Variants in ZNF407 observed in about 807,000 individuals in gnomAD.
The protein encoded by ZNF407 is zinc finger protein 407.
ZNF407 carries 17 observed loss-of-function variants against 131.2 expected under a neutral mutation model. That is an observed-to-expected ratio of 0.13 (90% CI 0.09 to 0.19). The LOEUF is 0.19. Among genes scored for constraint, ZNF407 ranks in the 10% least tolerant of loss-of-function variants. The pLI is 1.00. For missense variants in ZNF407, 2,681 were observed against 2,830.6 expected (o/e 0.95, Z 1.20); for synonymous variants, 1,156 against 1,062.0 (o/e 1.09, Z -1.72).
At chr18:74,692,790 C>G (rs537583168) in intron 3 of ZNF407, among the ~76,000 whole-genome samples, 1 of 152,142 alleles carries the variant, frequency 6.6e-6, no homozygotes, top group Admixed American at 6.5e-5. Context: ...AGCTCTCCCC[C>G]AGAGACAGGT....
At chr18:75,039,851 AC>A (rs1357402305) in intron 8 of ZNF407, among the ~76,000 whole-genome samples, 1 of 151,110 alleles carries the variant, frequency 6.6e-6, no homozygotes, top group Non-Finnish European at 1.5e-5. Context: ...TCAATTTTAT[AC>A]ATTTCCCTAG....
Position 75,063,770 on chromosome 18 carries a change from A to G in ZNF407, c.6049A>G (p.Lys2017Glu). 1 of 1,610,736 alleles carries G rather than the reference A, an allele frequency of 6.2e-7. No individual in the cohort carries two copies. The highest frequency in any genetic ancestry group is 1.1e-5 in the South Asian group (1 of 91,044). ...GLEEQGRPGA[K>E]DVLIQLPGQE... is the part of the protein sequence containing the mutation. The stretch of plus-strand genomic sequence containing the variant: ...CGAGGAGCAAGGCAGGCCCGGCGCC[A>G]AAGACGTGCTGATCCAGCTGCCCGG... The change falls in exon 9 of 9, where the codon AAA becomes GAA. Residue 2017 changes from lysine to glutamate, a missense_variant. Lys to Glu is a moderately conservative substitution (Grantham distance 56). Transcript: ENST00000299687. This position sits in a 1 kb window ranked among gnomAD's most constrained non-coding sequence, Gnocchi z 6.6.
At chr18:74,936,920 C>T (rs915745817) in intron 8 of ZNF407, among the ~76,000 whole-genome samples, 1 of 152,156 alleles carries the variant, frequency 6.6e-6, no homozygotes, top group East Asian at 1.9e-4. Context: ...ACTTCTTTGA[C>T]TTTGTGAAAT....
At chr18:74,922,779 G>A (rs1444430920) in intron 8 of ZNF407, among the ~76,000 whole-genome samples, 2 of 152,180 alleles carry the variant, frequency 1.3e-5, no homozygotes, top group Non-Finnish European at 2.9e-5. Flanking sequence ...CCTTATCGAA[G>A]AGTCTAGGAG....
At chr18:74,650,781 A>T (rs746071236) in intron 3 of ZNF407, among the ~76,000 whole-genome samples, 20 of 152,174 alleles carry the variant, frequency 1.3e-4, no homozygotes, top group Non-Finnish European at 2.4e-4. Flanking sequence ...AAAAAAATTT[A>T]CTGGCTTTAT....
In ZNF407 at chr18:74,708,597, G is replaced by A. The variant is rs144758371; in HGVS notation, c.4802+67475G>A. Reference sequence around the variant, plus strand: ...GCTTTCTGCTTGCTGACCTTTTTCTGTGGGGCTCCTTGATCAGTTTTGAAA... The same window carrying A: ...GCTTTCTGCTTGCTGACCTTTTTCTATGGGGCTCCTTGATCAGTTTTGAAA... On this transcript the variant is annotated intron_variant, in intron 3 of 8. Transcript: ENST00000299687. 2.0e-4 allele frequency among the ~76,000 whole-genome samples: 30 copies of A among 152,268 alleles called. No homozygotes were observed. In the East Asian group the frequency reaches 5.6e-3, roughly 28 times the overall value.
At chr18:74,626,972 C>A (rs1460826400) in intron 1 of ZNF407, among the ~76,000 whole-genome samples, 3 of 152,154 alleles carry the variant, frequency 2.0e-5, no homozygotes, top group Non-Finnish European at 4.4e-5. Context: ...GCCTCTTTTT[C>A]TCTCCACTTT....
intron 1 of ZNF407, among the ~76,000 whole-genome samples, chr18:74,618,824 A>G (rs1983414252): frequency 1.3e-5 from 2 of 152,338 alleles, no homozygotes; most frequent in East Asian, 3.9e-4. Context: ...TAAAAAATGT[A>G]ATACTTAAGT....
chr18:74,840,817 G>A (rs1368200930), intron 4 of ZNF407, among the ~76,000 whole-genome samples: 1 of 152,164 alleles, frequency 6.6e-6, no homozygotes, highest in African/African-American at 2.4e-5. Context: ...GAATTTTATA[G>A]CTTCTCATCA....
chr18:75,047,202 T>G (rs558278413), intron 8 of ZNF407, among the ~76,000 whole-genome samples: 2 of 152,318 alleles, frequency 1.3e-5, no homozygotes, highest in African/African-American at 4.8e-5. Context: ...GTATGGTTGA[T>G]CTGTGGGGGT....
At chr18:74,670,623 G>A (rs1174900320) in intron 3 of ZNF407, among the ~76,000 whole-genome samples, 1 of 152,112 alleles carries the variant, frequency 6.6e-6, no homozygotes, top group East Asian at 1.9e-4. Flanking sequence ...GAAATAGAGG[G>A]TTTTTAAATA....
chr18:74,799,851 T>C (rs1349289109), intron 4 of ZNF407, among the ~76,000 whole-genome samples: 2 of 151,886 alleles, frequency 1.3e-5, no homozygotes, highest in Non-Finnish European at 2.9e-5. Flanking sequence ...TAGATGTATT[T>C]GTCATTCTTA....
At chr18:74,974,799 C>T (rs1362201093) in intron 8 of ZNF407, among the ~76,000 whole-genome samples, 2 of 152,146 alleles carry the variant, frequency 1.3e-5, no homozygotes, top group African/African-American at 4.8e-5. Context: ...TCATTATGAC[C>T]TTAGTAACTC....
At chr18:74,947,595 A>T (rs1431387933) in intron 8 of ZNF407, among the ~76,000 whole-genome samples, 1 of 152,174 alleles carries the variant, frequency 6.6e-6, no homozygotes, top group African/African-American at 2.4e-5. Context: ...GCCAGAGAAC[A>T]AAACATCGGC....
rs1345405569 is a variant in ZNF407 at position 74,633,041 on chromosome 18, T to A, written c.2022T>A (p.Ser674=). The change falls in exon 2 of 9, where the codon TCT becomes TCA. Residue 674 remains serine (S), a synonymous_variant. Transcript: ENST00000299687. ...TAGAATCAGAAAACGCAAAAGAGTC[T>A]ATGGATGACTCAGGAAAAGCATCTC... ...STLESENAKE[S]MDDSGKASQE... 5 of 1,613,726 alleles carry A rather than the reference T, an allele frequency of 3.1e-6. No homozygotes were observed. The African/African-American group carries it at 5.3e-5, about 17-fold the overall frequency.
chr18:74,878,457 G>C (rs1971190102), intron 5 of ZNF407, among the ~76,000 whole-genome samples: 1 of 152,124 alleles, frequency 6.6e-6, no homozygotes, highest in South Asian at 2.1e-4. Flanking sequence ...AAGGTCTCCA[G>C]CCTGCCCTGA....
At chr18:74,907,538 T>G (rs541849937) in intron 7 of ZNF407, among the ~76,000 whole-genome samples, 1 of 152,318 alleles carries the variant, frequency 6.6e-6, no homozygotes, top group Admixed American at 6.5e-5. Flanking sequence ...AAATGGCTTC[T>G]CTTTCCCCTG....
chr18:75,022,941 C>T (rs1193480260), intron 8 of ZNF407, among the ~76,000 whole-genome samples: 1 of 152,160 alleles, frequency 6.6e-6, no homozygotes, highest in Non-Finnish European at 1.5e-5. Context: ...AGATGCTCAT[C>T]AGTGATAGAC....
At chr18:74,810,856 T>C (rs1045395258) in intron 4 of ZNF407, among the ~76,000 whole-genome samples, 2 of 152,146 alleles carry the variant, frequency 1.3e-5, no homozygotes, top group African/African-American at 4.8e-5. Flanking sequence ...TAATTCAAGA[T>C]GGATTAAAGA....
Sources: allele counts gnomAD v4.1 joint callset (sites outside exome capture counted in the v4.1 genomes callset), GRCh38; gene constraint gnomAD v4.1.1; non-coding constraint Gnocchi (gnomAD v3.1); transcripts MANE v1.5; gene names NCBI Gene and HGNC (gene_info 2026-07-23, HGNC 2026-07-21).